Variants in ENAH observed in about 807,000 individuals in gnomAD.
ENAH encodes the protein protein enabled homolog.
In ENAH, 23 loss-of-function variants were observed where a neutral mutation model predicts 78.7. The observed-to-expected ratio is 0.29, with a 90% CI of 0.21 to 0.41. The LOEUF is 0.41. ENAH is among the 10% of genes least tolerant of loss of function. The pLI is 1.00. For synonymous variants in ENAH, 226 were observed against 241.0 expected, an observed-to-expected ratio of 0.94 and a Z score of 0.58; for missense variants, 544 against 691.0, an observed-to-expected ratio of 0.79 and a Z score of 2.39.
rs2096215144 is a variant in ENAH at position 225,489,988 on chromosome 1, T to C, written c.*7787A>G. On this transcript the variant is annotated 3_prime_UTR_variant, in exon 14 of 14. Transcript: ENST00000366843. Reference sequence around the variant, plus strand: ...CAATAATAATAAAAAGCTTTATCTATCCTTGCTTGTATAGTGGCAAGGAAA... The same window carrying C: ...CAATAATAATAAAAAGCTTTATCTACCCTTGCTTGTATAGTGGCAAGGAAA... The C allele has an allele frequency of 6.6e-6, 1 of 151,966 alleles. No homozygotes were observed. Among genetic ancestry groups the C allele is most frequent in the African/African-American group, 2.4e-5 (1 of 41,340 alleles). 9.4% of individuals were successfully genotyped at this position (151,966 alleles called of 1,614,324 possible).
intron 3 of ENAH, among the ~76,000 whole-genome samples, chr1:225,548,097 C>A (rs1267279191): frequency 6.6e-6 from 1 of 151,866 alleles, no homozygotes; most frequent in African/African-American, 2.4e-5. Context: ...AAAAAGAAAA[C>A]ACCCAAAAGA....
At chr1:225,500,437 A>C (rs111390890) in intron 12 of ENAH, among the ~76,000 whole-genome samples, 3 of 152,168 alleles carry the variant, frequency 2.0e-5, no homozygotes, top group African/African-American at 7.2e-5. Flanking sequence ...AAGCATACTA[A>C]ATTATGATCC....
In ENAH at chr1:225,625,143, T is replaced by C. The variant is rs577052233; in HGVS notation, c.5+27543A>G. 2.1e-4 allele frequency among the ~76,000 whole-genome samples: 32 copies of C among 152,230 alleles called. No homozygotes were observed. The South Asian group carries it at 5.6e-3, about 27-fold the overall frequency. ...TCAAAATGGGTTTTCATTCCAAGAG[T>C]CAAAAGATATGAAAAATCCTTAGGC... is the stretch of plus-strand genomic sequence containing the variant. On this transcript the variant is annotated intron_variant, in intron 1 of 13. Coordinates refer to ENST00000366843, the MANE Select transcript of ENAH (RefSeq NM_018212.6).
intron 5 of ENAH, chr1:225,517,541 A>G (rs2096431017): frequency 1.3e-6 from 2 of 1,551,410 alleles, no homozygotes; most frequent in African/African-American, 2.7e-5. Flanking sequence ...GGCACAGGAG[A>G]AGAAACACAA....
chr1:225,521,782 GTTT>G (rs1057293658), intron 4 of ENAH, among the ~76,000 whole-genome samples: 4 of 151,858 alleles, frequency 2.6e-5, no homozygotes, highest in Non-Finnish European at 5.9e-5. Context: ...TATAACGATA[GTTT>G]TTTTGTTTTG....
chr1:225,650,308 C>T (rs1219170784), intron 1 of ENAH, among the ~76,000 whole-genome samples: 3 of 152,172 alleles, frequency 2.0e-5, no homozygotes, highest in African/African-American at 7.2e-5. Context: ...TCTATATTTA[C>T]GTTACTGGAA....
chr1:225,615,930 C>T (rs1046644934), intron 1 of ENAH, among the ~76,000 whole-genome samples: 3 of 152,176 alleles, frequency 2.0e-5, no homozygotes, highest in Non-Finnish European at 2.9e-5. Flanking sequence ...CAGATTGTTA[C>T]TGTGTCTGTG....
At chr1:225,550,695 A>G (rs918021225) in intron 3 of ENAH, among the ~76,000 whole-genome samples, 6 of 152,176 alleles carry the variant, frequency 3.9e-5, no homozygotes, top group African/African-American at 1.2e-4. Flanking sequence ...GAAAATTTCA[A>G]CCATAAGGAA....
chr1:225,525,815 C>G (rs933617854), intron 4 of ENAH, among the ~76,000 whole-genome samples: 20 of 152,212 alleles, frequency 1.3e-4, no homozygotes, highest in African/African-American at 4.3e-4. Context: ...CCCACCACCC[C>G]TTACCAAGCA....
At chr1:225,582,193 C>T (rs1175491360) in intron 1 of ENAH, among the ~76,000 whole-genome samples, 1 of 152,092 alleles carries the variant, frequency 6.6e-6, no homozygotes, top group Non-Finnish European at 1.5e-5. Context: ...GCTCCAGCCA[C>T]AGGAAGTGCC....
intron 1 of ENAH, among the ~76,000 whole-genome samples, chr1:225,612,848 A>G (rs927403405): frequency 2.0e-5 from 3 of 149,790 alleles, no homozygotes; most frequent in African/African-American, 4.9e-5. Context: ...TGCAAAAAAA[A>G]GGGGGGGAGG....
At chr1:225,620,371 C>CA (rs1226681081) in intron 1 of ENAH, among the ~76,000 whole-genome samples, 3 of 151,648 alleles carry the variant, frequency 2.0e-5, no homozygotes, top group Non-Finnish European at 4.4e-5. Context: ...ACCAAAAATA[C>CA]AAAAATTAGC....
intron 4 of ENAH, among the ~76,000 whole-genome samples, chr1:225,529,395 A>G (rs1212416975): frequency 6.6e-6 from 1 of 152,098 alleles, no homozygotes; most frequent in Non-Finnish European, 1.5e-5. Flanking sequence ...TCTCAATGAG[A>G]TCTACCCTGA....
chr1:225,652,447 G>A (rs1663195051), intron 1 of ENAH: 1 of 979,014 alleles, frequency 1.0e-6, no homozygotes, highest in African/African-American at 1.8e-5. Flanking sequence ...GGTGAAAGAA[G>A]AGCATTTGAG....
At chr1:225,517,367 T>C (rs1238593479) in intron 5 of ENAH, 61 bp from the exon 6 acceptor site, 11 of 1,551,556 alleles carry the variant, frequency 7.1e-6, no homozygotes, top group East Asian at 2.4e-5. Flanking sequence ...ATAGGGGTGC[T>C]TGGAGGAGGA....
At position 225,495,456 on chromosome 1, in the gene ENAH, G is replaced by GTTTTTTTTTTTTTTTT. The variant is rs33964064; in HGVS notation, c.*2303_*2318dup. On this transcript the variant is annotated 3_prime_UTR_variant, in exon 14 of 14. Transcript: ENST00000366843. ...GGAAATATAGCATGATTCAACACTG[G>GTTTTTTTTTTTTTTTT]TTTTTTTTTTTTTTTTTTTTTGTCA... The GTTTTTTTTTTTTTTTT allele has an allele frequency of 9.0e-6, 1 of 110,762 alleles. No individual in the cohort carries two copies. 6.9% of individuals were successfully genotyped at this position (110,762 alleles called of 1,614,324 possible).
At chr1:225,637,460 G>A (rs1329780358) in intron 1 of ENAH, among the ~76,000 whole-genome samples, 2 of 152,178 alleles carry the variant, frequency 1.3e-5, no homozygotes, top group African/African-American at 2.4e-5. Flanking sequence ...ACCCGCCTCA[G>A]CCTCCCAAAG....
intron 3 of ENAH, among the ~76,000 whole-genome samples, 186 bp downstream of exon 3, chr1:225,554,720 A>G (rs918191267): frequency 2.0e-5 from 3 of 152,236 alleles, no homozygotes; most frequent in Admixed American, 6.5e-5. Context: ...TCATCAATAA[A>G]AAGTTCACAT....
chr1:225,636,279 C>T (rs1441136463), intron 1 of ENAH, among the ~76,000 whole-genome samples: 1 of 152,120 alleles, frequency 6.6e-6, no homozygotes, highest in African/African-American at 2.4e-5. Flanking sequence ...TTTACAGACT[C>T]AGAAAAAACT....
Sources: gnomAD v4.1 joint callset for allele counts (sites outside exome capture counted in the v4.1 genomes callset) on GRCh38, gnomAD v4.1.1 for gene constraint, MANE v1.5 for transcripts, NCBI Gene and HGNC (gene_info 2026-07-23, HGNC 2026-07-21) for gene names.